FERMT2: variants seen among roughly 807,000 people sequenced by gnomAD.
FERMT2 encodes the protein FERM domain containing kindlin 2.
In FERMT2, 15 loss-of-function variants were observed where a neutral mutation model predicts 82.7. The ratio of observed to expected loss-of-function variants is 0.18; its 90% CI spans 0.12 to 0.28. The LOEUF (loss-of-function observed/expected upper bound fraction) is 0.28, where lower values mean the gene tolerates loss of function less well. FERMT2 is among the 10% of genes least tolerant of loss of function. The pLI is 1.00. For synonymous variants in FERMT2, 274 were observed against 271.5 expected, an observed-to-expected ratio of 1.01 and a Z score of -0.09; for missense variants, 645 against 809.4, an observed-to-expected ratio of 0.80 and a Z score of 2.46.
intron 2 of FERMT2, among the ~76,000 whole-genome samples, chr14:52,930,527 TAAGA>T (rs965744596): frequency 5.3e-5 from 8 of 152,086 alleles, no homozygotes; most frequent in African/African-American, 1.4e-4. Flanking sequence ...TTGGATGGGG[TAAGA>T]AAGGGAATGC....
At chr14:52,864,892 T>C (rs2140064589) in intron 10 of FERMT2, 39 bp from the exon 11 acceptor site, 1 of 1,169,276 alleles carries the variant, frequency 8.6e-7, no homozygotes, top group Non-Finnish European at 1.3e-6. Flanking sequence ...CTAAATTTAC[T>C]TTTAAGAAAT....
At chr14:52,946,478 C>T (rs1890361384) in intron 2 of FERMT2, among the ~76,000 whole-genome samples, 1 of 151,918 alleles carries the variant, frequency 6.6e-6, no homozygotes, top group Admixed American at 6.6e-5. Flanking sequence ...CAAAGCAAGA[C>T]CCATCTCTAC....
chr14:52,944,462 G>GCC lies in FERMT2; in HGVS notation c.157+5948_157+5949dup, dbSNP rs1274113460. 2.6e-5 allele frequency among the ~76,000 whole-genome samples: 4 copies of GCC among 152,332 alleles called. No homozygotes were observed. In the East Asian group the frequency reaches 7.7e-4, roughly 29 times the overall value. On this transcript the variant is annotated intron_variant, in intron 2 of 14. Transcript: ENST00000341590. ...ACACACCTTCCCCAGGGAGCACTAA[G>GCC]CCAGGGTATAAGGGAGCTGTCCAGT...
At chr14:52,904,858 G>C (rs756354733) in intron 3 of FERMT2, among the ~76,000 whole-genome samples, 9 of 151,418 alleles carry the variant, frequency 5.9e-5, no homozygotes, top group Non-Finnish European at 1.2e-4. Context: ...AACAATGACA[G>C]TGATTCGGCC....
At chr14:52,946,034 A>G (rs12588928) in intron 2 of FERMT2, among the ~76,000 whole-genome samples, 125,455 of 151,950 alleles carry the variant, frequency 0.83, 51,970 homozygotes, top group East Asian at 0.99. Flanking sequence ...CCATCACCAT[A>G]CCCGGCTAAT....
rs1239659209 is a variant in FERMT2, at chr14:52,893,273, T to C, written c.526+20A>G. 1.6e-5 allele frequency: 25 copies of C among 1,580,384 alleles called. No individual in the cohort carries two copies. Among genetic ancestry groups the C allele is most frequent in the Non-Finnish European group, 2.0e-5 (23 of 1,169,594 alleles). On this transcript the variant is annotated intron_variant, in intron 4 of 14. Coordinates refer to ENST00000341590, the MANE Select transcript of FERMT2 (RefSeq NM_006832.3). ...GTCCACAGTTCTTACTTTGAGTCCA[T>C]TGCTTGGTAAAAGTCTTACCTGATC...
At position 52,857,319 on chromosome 14, in the gene FERMT2, G is replaced by T. The variant is rs2140034949; in HGVS notation, c.*1058C>A. ...ATTTAAAATAAAATGCATTTATACA[G>T]TCTTTGAACCATGGATTATTGAACA... is the stretch of plus-strand genomic sequence containing the variant. On this transcript the variant is annotated 3_prime_UTR_variant, in exon 15 of 15. Coordinates refer to ENST00000341590, the MANE Select transcript of FERMT2 (RefSeq NM_006832.3). 6.6e-6 allele frequency: 1 copy of T among 152,644 alleles called. No individual in the cohort carries two copies. Among genetic ancestry groups the T allele is most frequent in the South Asian group, 2.1e-4 (1 of 4,820 alleles). The allele number at this position is 152,644 out of a possible 1,614,324, so 9.5% of individuals were successfully genotyped here. A position where few individuals can be genotyped will look rare whatever the true frequency, so the allele number is the denominator to read the frequency against.
At chr14:52,924,293 T>C (rs1357485891) in intron 2 of FERMT2, among the ~76,000 whole-genome samples, 4 of 152,300 alleles carry the variant, frequency 2.6e-5, no homozygotes, top group Admixed American at 1.3e-4. Context: ...TTACTATGTA[T>C]GAGATAAGGC....
chr14:52,926,215 T>C (rs1170779815), intron 2 of FERMT2, among the ~76,000 whole-genome samples: 1 of 152,112 alleles, frequency 6.6e-6, no homozygotes, highest in East Asian at 1.9e-4. Context: ...TGGTTTAGTT[T>C]TCCATGTGGC....
intron 2 of FERMT2, among the ~76,000 whole-genome samples, chr14:52,929,301 A>C (rs1889453627): frequency 6.6e-6 from 1 of 152,034 alleles, no homozygotes; most frequent in African/African-American, 2.4e-5. Context: ...GCACCACCCT[A>C]TTTCAAGCTG....
chr14:52,889,032 T>C (rs1232740405), intron 4 of FERMT2, among the ~76,000 whole-genome samples: 2 of 152,112 alleles, frequency 1.3e-5, no homozygotes, highest in Non-Finnish European at 2.9e-5. Flanking sequence ...AAGCTCTAGC[T>C]TGGAAGCGGG....
At chr14:52,895,685 A>C (rs1887216919) in intron 3 of FERMT2, among the ~76,000 whole-genome samples, 1 of 152,232 alleles carries the variant, frequency 6.6e-6, no homozygotes, top group Non-Finnish European at 1.5e-5. Flanking sequence ...CAGGTGACAG[A>C]AATATTCTGA....
intron 2 of FERMT2, among the ~76,000 whole-genome samples, chr14:52,939,896 T>A (rs546298956): frequency 6.6e-6 from 1 of 152,354 alleles, no homozygotes; most frequent in East Asian, 1.9e-4. Context: ...GGGAAGCACT[T>A]ACCCAGTAGA....
chr14:52,878,613 T>A lies in FERMT2; in HGVS notation c.932A>T (p.Glu311Val), dbSNP rs1452269867. The change falls in exon 7 of 15, where the codon GAA becomes GTA. Residue 311 changes from glutamate to valine, a missense_variant. Physicochemically the swap from Glu to Val is moderately radical, Grantham distance 121. Coordinates refer to ENST00000341590, the MANE Select transcript of FERMT2 (RefSeq NM_006832.3). ...GGCTGCAAACATCATCATTTCTTCT[T>A]CTGTGCATTCAATCTCTTCCAGGAG... ...AILLEEIECT[E>V]EEMMMFAALQ... The A allele has an allele frequency of 2.5e-6, 4 of 1,610,930 alleles. No homozygotes were observed. The Admixed American group carries it at 6.7e-5, about 27-fold the overall frequency.
chr14:52,902,896 A>G (rs1159440796), intron 3 of FERMT2, among the ~76,000 whole-genome samples: 1 of 131,566 alleles, frequency 7.6e-6, no homozygotes. Context: ...AAAAAACCCC[A>G]AAACACTGAA....
intron 14 of FERMT2, 108 bp from the exon 15 acceptor site, chr14:52,858,658 A>T: frequency 4.2e-6 from 4 of 959,530 alleles, no homozygotes; most frequent in Non-Finnish European, 6.2e-6. Context: ...ACACTTGTTG[A>T]TCCTCAAATG....
chr14:52,913,045 TTTC>T (rs1211097613), intron 3 of FERMT2, among the ~76,000 whole-genome samples: 1 of 152,232 alleles, frequency 6.6e-6, no homozygotes, highest in Non-Finnish European at 1.5e-5. Flanking sequence ...ATAGCTTTCT[TTTC>T]TTGTTTATAC....
chr14:52,885,652 C>G (rs908361465), intron 4 of FERMT2, among the ~76,000 whole-genome samples: 57 of 151,728 alleles, frequency 3.8e-4, no homozygotes, highest in Non-Finnish European at 5.7e-4. Flanking sequence ...CAGTCTGAGT[C>G]CACCTACTGT....
Position 52,860,372 on chromosome 14 carries a change from G to A in FERMT2, c.1696C>T (p.Pro566Ser), listed in dbSNP as rs1246382189. Residue 566 changes from proline (P) to serine (S), a missense_variant, in exon 13 of 15, where the codon CCT (proline) becomes TCT (serine). Coordinates refer to ENST00000341590, the MANE Select transcript of FERMT2 (RefSeq NM_006832.3). ...ATGAAGTGAGTGATGCCAAATTCAG[G>A]TAGTGACTGCCAAGCTTGAATAAAT... ...MRFIQAWQSLPEFGITHFIAR... is the reference protein window; with the variant it reads ...MRFIQAWQSLSEFGITHFIAR... 6.2e-7 allele frequency: 1 copy of A among 1,613,910 alleles called. No individual in the cohort carries two copies.
Sources: gnomAD v4.1 joint callset for allele counts (sites outside exome capture counted in the v4.1 genomes callset) on GRCh38, gnomAD v4.1.1 for gene constraint, MANE v1.5 for transcripts, NCBI Gene and HGNC (gene_info 2026-07-23, HGNC 2026-07-21) for gene names.